The following LRRC4C variants were observed in gnomAD, a reference collection of about 807,000 sequenced individuals.
LRRC4C encodes leucine-rich repeat-containing protein 4C.
LRRC4C carries 5 observed loss-of-function variants against 33.6 expected under a neutral mutation model. The observed-to-expected ratio is 0.15, with a 90% CI of 0.08 to 0.31. The LOEUF is 0.31. LRRC4C is among the 10% of genes least tolerant of loss of function. LRRC4C has a pLI of 1.00. For missense variants in LRRC4C, 560 were observed against 796.7 expected, an observed-to-expected ratio of 0.70 and a Z score of 3.58; for synonymous variants, 329 against 302.0, an observed-to-expected ratio of 1.09 and a Z score of -0.93.
At chr11:41,320,853 C>A (rs1174052132) in intron 1 of LRRC4C, among the ~76,000 whole-genome samples, 1 of 152,164 alleles carries the variant, frequency 6.6e-6, no homozygotes, top group Non-Finnish European at 1.5e-5. Flanking sequence ...CCTCCCAACA[C>A]ATTCAGATTG....
chr11:40,585,054 T>C (rs1027524107), intron 3 of LRRC4C, among the ~76,000 whole-genome samples: 8 of 151,798 alleles, frequency 5.3e-5, no homozygotes, highest in African/African-American at 1.9e-4. Context: ...GGAAATACCA[T>C]GTATTGGCAC....
chr11:40,300,283 G>A (rs1354118015), intron 4 of LRRC4C, among the ~76,000 whole-genome samples: 3 of 152,154 alleles, frequency 2.0e-5, no homozygotes, highest in African/African-American at 7.2e-5. Flanking sequence ...TTTGACATGA[G>A]ACTCCACAGG....
intron 3 of LRRC4C, among the ~76,000 whole-genome samples, chr11:40,400,525 C>A (rs893497395): frequency 6.6e-6 from 1 of 152,004 alleles, no homozygotes; most frequent in Admixed American, 6.6e-5. Flanking sequence ...GGTCAAAATT[C>A]TTTAATAGCT....
intron 3 of LRRC4C, among the ~76,000 whole-genome samples, chr11:40,621,702 T>C (rs899883307): frequency 6.6e-6 from 1 of 151,818 alleles, no homozygotes; most frequent in African/African-American, 2.4e-5. Context: ...CTCCACCCTT[T>C]GCTCAGTGTC....
chr11:41,263,623 GC>G (rs1396569503), intron 1 of LRRC4C, among the ~76,000 whole-genome samples: 35 of 152,236 alleles, frequency 2.3e-4, no homozygotes, highest in African/African-American at 8.2e-4. Context: ...TTGAGTTTCT[GC>G]TTTGAGTATT....
chr11:40,932,366 T>G (rs1363300438), intron 2 of LRRC4C, among the ~76,000 whole-genome samples: 2 of 152,086 alleles, frequency 1.3e-5, no homozygotes, highest in East Asian at 3.9e-4. Flanking sequence ...GACAAGAATA[T>G]TGAGAGTTGT....
intron 4 of LRRC4C, among the ~76,000 whole-genome samples, chr11:40,250,482 G>A (rs1287919741): frequency 6.6e-6 from 1 of 152,032 alleles, no homozygotes; most frequent in African/African-American, 2.4e-5. Flanking sequence ...GCTCATGCCT[G>A]TAACCCCAGC....
chr11:40,244,681 C>T (rs950826853), intron 4 of LRRC4C, among the ~76,000 whole-genome samples: 2 of 151,936 alleles, frequency 1.3e-5, no homozygotes, highest in Non-Finnish European at 2.9e-5. Flanking sequence ...TGCCTTCTCA[C>T]TTATTAACCT....
intron 3 of LRRC4C, among the ~76,000 whole-genome samples, chr11:40,354,381 A>C (rs1947559227): frequency 6.6e-6 from 1 of 152,154 alleles, no homozygotes; most frequent in Non-Finnish European, 1.5e-5. Flanking sequence ...TTCAGTCAGC[A>C]GGTGGCAAAT....
chr11:40,744,188 T>C (rs1476949652), intron 2 of LRRC4C, among the ~76,000 whole-genome samples: 1 of 152,120 alleles, frequency 6.6e-6, no homozygotes, highest in Non-Finnish European at 1.5e-5. Context: ...GGGAGATAGA[T>C]GACACATAAT....
intron 1 of LRRC4C, among the ~76,000 whole-genome samples, chr11:41,048,583 A>T (rs909978387): frequency 4.6e-5 from 7 of 151,930 alleles, no homozygotes; most frequent in African/African-American, 1.7e-4. Flanking sequence ...TTTTTTAAAA[A>T]TTTTTTCATC....
chr11:40,462,286 A>G (rs1952436859), intron 3 of LRRC4C, among the ~76,000 whole-genome samples: 1 of 152,104 alleles, frequency 6.6e-6, no homozygotes, highest in South Asian at 2.1e-4. Flanking sequence ...ATGGCAAAGG[A>G]GGGAACATAT....
At chr11:41,119,759 A>C (rs1407083290) in intron 1 of LRRC4C, among the ~76,000 whole-genome samples, 1 of 152,162 alleles carries the variant, frequency 6.6e-6, no homozygotes, top group Non-Finnish European at 1.5e-5. Context: ...CTCTCTTGAA[A>C]AGTTGACCTG....
intron 2 of LRRC4C, among the ~76,000 whole-genome samples, chr11:40,749,458 CAA>C (rs68018605): frequency 0.067 from 8,353 of 125,318 alleles, 221 homozygotes; most frequent in Non-Finnish European, 0.072. Flanking sequence ...CTATGAGATA[CAA>C]AAAAAAAAAA....
At position 40,739,029 on chromosome 11, in the gene LRRC4C, ATGTG is replaced by A. The variant is rs746979119; in HGVS notation, c.-406-90755_-406-90752del. Among the ~76,000 whole-genome samples the A allele has an allele frequency of 4.8e-3, 660 of 137,304 alleles. 6 individuals carry two copies. Among genetic ancestry groups the A allele is most frequent in the African/African-American group, 0.014 (535 of 37,676 alleles). 90.1% of individuals were successfully genotyped at this position (137,304 alleles called of 152,430 possible). ...CTATTGTGTGTGTGTGTGTGTGTGT[ATGTG>A]TGTGTGTGTGTGTGTGTGTGGTGAG... On this transcript the variant is annotated intron_variant, in intron 2 of 6. Transcript: ENST00000528697.
chr11:40,337,000 A>G (rs1285400165), intron 3 of LRRC4C, among the ~76,000 whole-genome samples: 2 of 140,254 alleles, frequency 1.4e-5, no homozygotes, highest in African/African-American at 5.0e-5. Context: ...AAAAAAAAAA[A>G]AAAAAAGAGC....
chr11:41,373,340 G>C (rs1414195477), intron 1 of LRRC4C, among the ~76,000 whole-genome samples: 3 of 152,000 alleles, frequency 2.0e-5, no homozygotes, highest in African/African-American at 7.2e-5. Context: ...GCACATTTAT[G>C]CACATATATT....
chr11:40,605,694 T>C lies in LRRC4C; in HGVS notation c.-270+42448A>G, dbSNP rs151136161. ...AGAAACTGCATCTCAGCAGTTTCTT[T>C]CTTACCTGCGTCTAAGCACTGACAG... On this transcript the variant is annotated intron_variant, in intron 3 of 6. Transcript: ENST00000528697. 5.6e-3 allele frequency among the ~76,000 whole-genome samples: 854 copies of C among 152,268 alleles called. 2 individuals carry two copies. The highest frequency in any genetic ancestry group is 0.019 in the African/African-American group (809 of 41,560).
At chr11:40,917,361 G>C (rs1266300858) in intron 2 of LRRC4C, among the ~76,000 whole-genome samples, 3 of 152,108 alleles carry the variant, frequency 2.0e-5, no homozygotes, top group African/African-American at 7.2e-5. Flanking sequence ...ATTTGTGAAT[G>C]CTCATCTGTA....
Sources: gnomAD v4.1 joint callset for allele counts (sites outside exome capture counted in the v4.1 genomes callset) on GRCh38, gnomAD v4.1.1 for gene constraint, MANE v1.5 for transcripts, NCBI Gene and HGNC (gene_info 2026-07-23, HGNC 2026-07-21) for gene names.